The following IL7R variants were observed in gnomAD, a reference collection of about 807,000 sequenced individuals.
IL7R encodes interleukin-7 receptor subunit alpha.
A neutral mutation model predicts 47.0 loss-of-function variants in IL7R; 38 were observed. The ratio of observed to expected loss-of-function variants is 0.81; its 90% CI spans 0.62 to 1.06. The LOEUF (loss-of-function observed/expected upper bound fraction) is 1.06. Among genes scored for constraint, IL7R ranks in the 50% least tolerant of loss-of-function variants. The probability of loss-of-function intolerance (pLI) is 0.00; values close to 1 mark genes in which losing one functional copy is unlikely to be tolerated. For synonymous variants in IL7R, 221 were observed against 199.8 expected (o/e 1.11, Z -0.89); for missense variants, 633 against 534.8 (o/e 1.18, Z -1.81).
chr5:35,873,389 G>A lies in IL7R; in HGVS notation c.538-91G>A, dbSNP rs1393758646. 4 of 1,081,192 alleles carry A rather than the reference G, an allele frequency of 3.7e-6. No individual in the cohort carries two copies. In the Admixed American group the frequency reaches 5.5e-5, roughly 15 times the overall value. 67.0% of individuals were successfully genotyped at this position (1,081,192 alleles called of 1,614,324 possible). A position where few individuals can be genotyped will look rare whatever the true frequency, so the allele number is the denominator to read the frequency against. The stretch of plus-strand genomic sequence containing the variant: ...GAGACAACTTCAGAGAATGCTTATG[G>A]GACTAAAGGAATCCCAATTGAAATG... On this transcript the variant is annotated intron_variant, in intron 4 of 7. Coordinates refer to ENST00000303115, the MANE Select transcript of IL7R (RefSeq NM_002185.5).
rs376798079 is a variant in IL7R at position 35,871,019 on chromosome 5, G to T, written c.380-37G>T. 5.5e-5 allele frequency: 88 copies of T among 1,586,264 alleles called. 1 individual carries two copies. The African/African-American group carries it at 1.1e-3, about 19-fold the overall frequency. ...AAATACTATAATTATTTCCTTGGCTGCCCTTTAGACAGAATTTATTTCTTT... is the reference window on the plus strand; with the variant it reads ...AAATACTATAATTATTTCCTTGGCTTCCCTTTAGACAGAATTTATTTCTTT... On this transcript the variant is annotated intron_variant, in intron 3 of 7. Transcript: ENST00000303115.
rs1408051197 is a variant in IL7R, at chr5:35,867,386, T to C, written c.302T>C (p.Leu101Pro). 4 of 1,613,488 alleles carry C rather than the reference T, an allele frequency of 2.5e-6. No homozygotes were observed. The highest frequency in any genetic ancestry group is 3.4e-6 in the Non-Finnish European group (4 of 1,179,472). The change falls in exon 3 of 8, where the codon CTG (leucine) becomes CCG (proline). Residue 101 changes from leucine (L) to proline (P), a missense_variant. Leu to Pro is a moderately conservative substitution (Grantham distance 98). Coordinates refer to ENST00000303115, the MANE Select transcript of IL7R (RefSeq NM_002185.5). Reference protein sequence around the residue: ...IYFIETKKFLLIGKSNICVKV... With the variant: ...IYFIETKKFLPIGKSNICVKV... ...TTCATCGAGACAAAGAAATTCTTAC[T>C]GATTGGAAAGAGCAATATATGTGTG... is the stretch of plus-strand genomic sequence containing the variant.
Position 35,875,504 on chromosome 5 carries a change from G to A in IL7R, c.801-8G>A, listed in dbSNP as rs1269907294. ...TTCACTTCATCTATCAATGTTCTCT[G>A]ATTTCAGGATTAAGCCTATCGTATG... is the stretch of plus-strand genomic sequence containing the variant. On this transcript the variant is annotated splice_region_variant and splice_polypyrimidine_tract_variant and intron_variant, in intron 6 of 7. Transcript: ENST00000303115. The A allele has an allele frequency of 6.9e-6, 11 of 1,601,636 alleles. No homozygotes were observed. The highest frequency in any genetic ancestry group is 3.3e-5 in the Admixed American group (2 of 59,994).
intron 3 of IL7R, among the ~76,000 whole-genome samples, chr5:35,867,801 A>G (rs1481303780): frequency 6.6e-6 from 1 of 151,990 alleles, no homozygotes; most frequent in Non-Finnish European, 1.5e-5. Flanking sequence ...CCTTCTCCCA[A>G]ATTCCTTGTG....
At position 35,874,769 on chromosome 5, in the gene IL7R, G is replaced by A. The variant is rs115686563; in HGVS notation, c.800+227G>A. Among the ~76,000 whole-genome samples the A allele has an allele frequency of 6.6e-3, 1,012 of 152,272 alleles. 13 individuals carry two copies. The highest frequency in any genetic ancestry group is 0.023 in the African/African-American group (947 of 41,548). On this transcript the variant is annotated intron_variant, in intron 6 of 7. Coordinates refer to ENST00000303115, the MANE Select transcript of IL7R (RefSeq NM_002185.5). ...ACGCTGTCCCCAAAGTAAGAATTCC[G>A]TAATGCAATGTTTCCCAAGCTTTTC... is the stretch of plus-strand genomic sequence containing the variant.
rs145255952 is a variant in IL7R at position 35,857,349 on chromosome 5, T to A, written c.82+290T>A. On this transcript the variant is annotated intron_variant, in intron 1 of 7. Coordinates refer to ENST00000303115, the MANE Select transcript of IL7R (RefSeq NM_002185.5). ...TCTGCTCTTACAAAAAGAATGCTCA[T>A]GTAGATGCTATGACTGTACTTGTAG... Among the ~76,000 whole-genome samples the A allele has an allele frequency of 1.9e-4, 29 of 152,214 alleles. No individual in the cohort carries two copies. The East Asian group carries it at 5.6e-3, about 29-fold the overall frequency.
intron 3 of IL7R, 40 bp downstream of exon 3, chr5:35,867,503 G>T (rs1168312015): frequency 1.4e-5 from 21 of 1,552,144 alleles, no homozygotes; most frequent in Non-Finnish European, 1.8e-5. Flanking sequence ...TCACTTTTGG[G>T]CTACCTGAAA....
Position 35,876,673 on chromosome 5 carries a change from C to T in IL7R, c.*187C>T. 1.5e-6 allele frequency: 1 copy of T among 651,830 alleles called. No homozygotes were observed. Among genetic ancestry groups the T allele is most frequent in the East Asian group, 2.7e-5 (1 of 36,518 alleles). The allele number at this position is 651,830 out of a possible 1,614,324, so 40.4% of individuals were successfully genotyped here. A position where few individuals can be genotyped will look rare whatever the true frequency, so the allele number is the denominator to read the frequency against. On this transcript the variant is annotated 3_prime_UTR_variant, in exon 8 of 8. Transcript: ENST00000303115. ...GAGTTCAGTGGCACTCAACATGAGT[C>T]AAGAGCATCCTGCTTCTACCATGTG...
chr5:35,876,328 C>T lies in IL7R; in HGVS notation c.1222C>T (p.Leu408Phe), dbSNP rs1293869718. Residue 408 changes from leucine to phenylalanine, a missense_variant, in exon 8 of 8, where the codon CTT (leucine) becomes TTT (phenylalanine). Physicochemically the swap from Leu to Phe is conservative, Grantham distance 22. Coordinates refer to ENST00000303115, the MANE Select transcript of IL7R (RefSeq NM_002185.5). ...TGTGTACCAGGACCTCCTGCTTAGC[C>T]TTGGGACTACAAACAGCACGCTGCC... ...PHVYQDLLLSLGTTNSTLPPP... is the reference protein window; with the variant it reads ...PHVYQDLLLSFGTTNSTLPPP... 1.9e-6 allele frequency: 3 copies of T among 1,613,380 alleles called. No homozygotes were observed. The highest frequency in any genetic ancestry group is 1.3e-5 in the African/African-American group (1 of 75,012).
At chr5:35,862,283 C>T (rs11567710) in intron 2 of IL7R, among the ~76,000 whole-genome samples, 1,971 of 152,236 alleles carry the variant, frequency 0.013, 49 homozygotes, top group African/African-American at 0.045. Flanking sequence ...CTCTCCCACA[C>T]GGAGGTTTGA....
chr5:35,876,555 C>CCTT lies in IL7R; in HGVS notation c.*69_*70insCTT. 1 of 1,536,950 alleles carries CCTT rather than the reference C, an allele frequency of 6.5e-7. No individual in the cohort carries two copies. The highest frequency in any genetic ancestry group is 8.9e-7 in the Non-Finnish European group (1 of 1,125,514). ...GATTTAAAAGGGAAGTCTAGAGTTCCTAGTCTCCCTCACAGCACAGAGAAG... is the reference window on the plus strand; with the variant it reads ...GATTTAAAAGGGAAGTCTAGAGTTCCCTTTAGTCTCCCTCACAGCACAGAGAAG... On this transcript the variant is annotated 3_prime_UTR_variant, in exon 8 of 8. Transcript: ENST00000303115.
At chr5:35,874,342 G>A in intron 5 of IL7R, 107 bp from the exon 6 acceptor site, 1 of 830,416 alleles carries the variant, frequency 1.2e-6, no homozygotes, top group South Asian at 1.3e-5. Context: ...CAACTTTCAG[G>A]AAATAATAAG....
intron 4 of IL7R, 37 bp from the exon 5 acceptor site, chr5:35,873,443 T>C: frequency 1.3e-6 from 2 of 1,578,402 alleles, no homozygotes; most frequent in Non-Finnish European, 1.7e-6. Flanking sequence ...ACACCTCTTT[T>C]CCCATCCTAA....
intron 3 of IL7R, among the ~76,000 whole-genome samples, chr5:35,868,441 C>A (rs1165940020): frequency 6.6e-6 from 1 of 152,100 alleles, no homozygotes; most frequent in Non-Finnish European, 1.5e-5. Context: ...CATGTGTGAA[C>A]AATTAACTTG....
intron 3 of IL7R, 115 bp downstream of exon 3, chr5:35,867,578 A>G (rs1317852655): frequency 2.5e-6 from 2 of 793,138 alleles, no homozygotes; most frequent in African/African-American, 3.4e-5. Context: ...GGCAATAGAT[A>G]ATAGCTAATT....
At position 35,867,447 on chromosome 5, in the gene IL7R, A is replaced by C. The variant is rs769810965; in HGVS notation, c.363A>C (p.Ile121=). The C allele has an allele frequency of 6.8e-6, 11 of 1,612,962 alleles. No homozygotes were observed. Among genetic ancestry groups the C allele is most frequent in the Admixed American group, 6.7e-5 (4 of 59,972 alleles). Residue 121 remains isoleucine, a synonymous_variant, in exon 3 of 8, where the codon ATA becomes ATC. Transcript: ENST00000303115. Reference sequence around the variant, plus strand: ...AAAAGAGTCTAACCTGCAAAAAAATAGACCTAACCACTATAGGTAAGAAGT... The same window carrying C: ...AAAAGAGTCTAACCTGCAAAAAAATCGACCTAACCACTATAGGTAAGAAGT... The part of the protein sequence containing the change: ...VGEKSLTCKK[I]DLTTIVKPEA...
Position 35,876,656 on chromosome 5 carries a change from T to C in IL7R, c.*170T>C, listed in dbSNP as rs1760225754. The stretch of plus-strand genomic sequence containing the variant: ...CTTTGACCACTCTTCCTGAGTTCAG[T>C]GGCACTCAACATGAGTCAAGAGCAT... On this transcript the variant is annotated 3_prime_UTR_variant, in exon 8 of 8. Coordinates refer to ENST00000303115, the MANE Select transcript of IL7R (RefSeq NM_002185.5). 2 of 724,286 alleles carry C rather than the reference T, an allele frequency of 2.8e-6. No homozygotes were observed. Among genetic ancestry groups the C allele is most frequent in the Admixed American group, 2.1e-5 (1 of 46,892 alleles). 44.9% of individuals were successfully genotyped at this position (724,286 alleles called of 1,614,324 possible).
chr5:35,872,891 A>G (rs1033514046), intron 4 of IL7R, among the ~76,000 whole-genome samples: 5 of 152,202 alleles, frequency 3.3e-5, no homozygotes, highest in Non-Finnish European at 5.9e-5. Flanking sequence ...AATGAGCAAA[A>G]AAATTGGGAA....
At chr5:35,865,669 G>T (rs1274835760) in intron 2 of IL7R, among the ~76,000 whole-genome samples, 6 of 152,042 alleles carry the variant, frequency 3.9e-5, no homozygotes, top group Non-Finnish European at 8.8e-5. Flanking sequence ...GTGTGAGATG[G>T]TATGTCATTG....
Sources: gnomAD v4.1 joint callset for allele counts (sites outside exome capture counted in the v4.1 genomes callset) on GRCh38, gnomAD v4.1.1 for gene constraint, MANE v1.5 for transcripts, NCBI Gene and HGNC (gene_info 2026-07-23, HGNC 2026-07-21) for gene names.